The following COL26A1 variants were observed in gnomAD, a reference collection of about 807,000 sequenced individuals.
COL26A1 encodes collagen type XXVI alpha 1 chain, also known as collagen alpha-1(XXVI) chain.
COL26A1 carries 41 observed loss-of-function variants against 59.3 expected under a neutral mutation model. That is an observed-to-expected ratio of 0.69 (90% CI 0.54 to 0.90). The LOEUF is 0.90. Among genes scored for constraint, COL26A1 ranks in the 40% least tolerant of loss-of-function variants. The pLI, the probability that COL26A1 is intolerant of heterozygous loss-of-function variation, is 0.00. For missense variants in COL26A1, 612 were observed against 602.3 expected (o/e 1.02, Z -0.17); for synonymous variants, 266 against 256.0 (o/e 1.04, Z -0.37).
At chr7:101,487,195 G>A (rs964461978) in intron 3 of COL26A1, among the ~76,000 whole-genome samples, 1 of 152,206 alleles carries the variant, frequency 6.6e-6, no homozygotes, top group Non-Finnish European at 1.5e-5. Flanking sequence ...GCGAGGTCCT[G>A]GAGAAAAGGA....
At chr7:101,506,421 T>A (rs1257254910) in intron 3 of COL26A1, among the ~76,000 whole-genome samples, 1 of 152,226 alleles carries the variant, frequency 6.6e-6, no homozygotes. Flanking sequence ...TGGCTGCCAA[T>A]GAAAGAGCTG....
intron 3 of COL26A1, among the ~76,000 whole-genome samples, chr7:101,465,588 G>A (rs1793737480): frequency 6.6e-6 from 1 of 151,814 alleles, no homozygotes; most frequent in African/African-American, 2.4e-5. Flanking sequence ...CAGCTACTGG[G>A]GAGGCCAAGG....
At chr7:101,398,966 A>G (rs548903769) in intron 1 of COL26A1, among the ~76,000 whole-genome samples, 1 of 152,002 alleles carries the variant, frequency 6.6e-6, no homozygotes, top group East Asian at 1.9e-4. Flanking sequence ...GCACAGGGGG[A>G]TGGACAGAGC....
intron 2 of COL26A1, among the ~76,000 whole-genome samples, chr7:101,425,546 G>T (rs1792623941): frequency 6.6e-6 from 1 of 152,134 alleles, no homozygotes; most frequent in Admixed American, 6.6e-5. Context: ...ACCCAGGCTG[G>T]AGTGCAGTGG....
chr7:101,532,962 A>C (rs910863064), intron 3 of COL26A1, 120 bp from the exon 4 acceptor site: 1 of 737,382 alleles, frequency 1.4e-6, no homozygotes, highest in Non-Finnish European at 2.3e-6. Context: ...GGAGTTTTCC[A>C]GGCAAAATGA....
intron 3 of COL26A1, among the ~76,000 whole-genome samples, chr7:101,486,501 G>A (rs1191715799): frequency 6.6e-6 from 1 of 152,230 alleles, no homozygotes; most frequent in Non-Finnish European, 1.5e-5. Flanking sequence ...GGAAGGGCTG[G>A]AGACAGCCCT....
chr7:101,549,002 G>A (rs1264450729), intron 8 of COL26A1, among the ~76,000 whole-genome samples, 169 bp from the exon 9 acceptor site: 4 of 152,184 alleles, frequency 2.6e-5, no homozygotes, highest in Non-Finnish European at 5.9e-5. Flanking sequence ...CCTGGGCTCC[G>A]AGGATGGAGA....
At chr7:101,385,386 T>TATATATATA (rs58580713) in intron 1 of COL26A1, among the ~76,000 whole-genome samples, 3 of 149,798 alleles carry the variant, frequency 2.0e-5, no homozygotes, top group Admixed American at 1.3e-4. Flanking sequence ...TATATATATA[T>TATATATATA]TTGTGACGGA....
chr7:101,405,461 A>G (rs993776085), intron 1 of COL26A1, among the ~76,000 whole-genome samples: 1 of 151,810 alleles, frequency 6.6e-6, no homozygotes, highest in Non-Finnish European at 1.5e-5. Context: ...CAGCTCCCCA[A>G]ATTGGACTAC....
intron 2 of COL26A1, among the ~76,000 whole-genome samples, chr7:101,429,695 T>C (rs1792735917): frequency 6.8e-6 from 1 of 147,976 alleles, no homozygotes; most frequent in Non-Finnish European, 1.5e-5. Context: ...TGGGCTCAAG[T>C]GATCCTCCTG....
chr7:101,480,401 A>T (rs1794129966), intron 3 of COL26A1, among the ~76,000 whole-genome samples: 1 of 152,042 alleles, frequency 6.6e-6, no homozygotes, highest in African/African-American at 2.4e-5. Flanking sequence ...ATATTTTTAA[A>T]CATTCTTATT....
intron 1 of COL26A1, among the ~76,000 whole-genome samples, chr7:101,405,445 C>T (rs553519387): frequency 1.4e-4 from 22 of 151,986 alleles, no homozygotes; most frequent in Non-Finnish European, 2.6e-4. Flanking sequence ...AGTGATCCTC[C>T]CACCTCAGCT....
chr7:101,492,218 C>G lies in COL26A1; in HGVS notation c.386-40864C>G, dbSNP rs533259661. On this transcript the variant is annotated intron_variant, in intron 3 of 12. Coordinates refer to ENST00000313669, the MANE Select transcript of COL26A1 (RefSeq NM_001278563.3). Reference sequence around the variant, plus strand: ...ACAGTAGAATCTTGACGGAAAACTACTGTTATTTTCCCTTAAGAAAAAGCA... The same window carrying G: ...ACAGTAGAATCTTGACGGAAAACTAGTGTTATTTTCCCTTAAGAAAAAGCA... 2.0e-5 allele frequency among the ~76,000 whole-genome samples: 3 copies of G among 152,040 alleles called. No homozygotes were observed. The South Asian group carries it at 6.2e-4, about 32-fold the overall frequency.
In COL26A1 at chr7:101,545,451, G is replaced by C. The variant is rs755042363; in HGVS notation, c.817G>C (p.Gly273Arg). The C allele has an allele frequency of 4.4e-6, 7 of 1,608,770 alleles. No homozygotes were observed. The South Asian group carries it at 7.7e-5, about 18-fold the overall frequency. Residue 273 changes from glycine to arginine, a missense_variant, in exon 7 of 13, where the codon GGC becomes CGC. By Grantham distance (125) the Gly-to-Arg change is moderately radical. Coordinates refer to ENST00000313669, the MANE Select transcript of COL26A1 (RefSeq NM_001278563.3). ...AGGCCCCTCACCAAACAGCCCCCAG[G>C]GCGCCCTCTACTCCCTGCAGCCGCC... ...NPGPSPNSPQGALYSLQPPTD... is the reference protein window; with the variant it reads ...NPGPSPNSPQRALYSLQPPTD...
chr7:101,489,788 TTCTTTCTTTCTTTC>T (rs1794382334), intron 3 of COL26A1, among the ~76,000 whole-genome samples: 1 of 2,340 alleles, frequency 4.3e-4, no homozygotes, highest in Admixed American at 5.4e-3. Context: ...CTTTCTTTCT[TTCTTTCTTTCTTTC>T]TTTCTTTCTT....
At chr7:101,447,870 G>A in intron 3 of COL26A1, 83 bp downstream of exon 3, 4 of 822,714 alleles carry the variant, frequency 4.9e-6, no homozygotes, top group Non-Finnish European at 6.2e-6. Flanking sequence ...CCTCCTGCAA[G>A]CAGCTTTCCT....
chr7:101,534,280 C>T (rs943971149), intron 4 of COL26A1, among the ~76,000 whole-genome samples: 4 of 96,974 alleles, frequency 4.1e-5, no homozygotes, highest in African/African-American at 2.2e-4. Flanking sequence ...AACAGGGCCA[C>T]GTGGCAGGGA....
At chr7:101,557,343 G>T in intron 12 of COL26A1, 27 bp from the exon 13 acceptor site, 1 of 1,597,726 alleles carries the variant, frequency 6.3e-7, no homozygotes, top group Non-Finnish European at 8.6e-7. Context: ...GCTCTACCTC[G>T]AGTCCACCCT....
chr7:101,401,563 AGAG>A (rs1791997391), intron 1 of COL26A1, among the ~76,000 whole-genome samples: 2 of 145,900 alleles, frequency 1.4e-5, no homozygotes, highest in African/African-American at 5.1e-5. Context: ...AGGAGGAAGA[AGAG>A]AAAGAGGAGG....
Sources: allele counts gnomAD v4.1 joint callset (sites outside exome capture counted in the v4.1 genomes callset), GRCh38; gene constraint gnomAD v4.1.1; transcripts MANE v1.5; gene names NCBI Gene and HGNC (gene_info 2026-07-23, HGNC 2026-07-21).